The following KAT6B variants were observed in gnomAD, a reference collection of about 807,000 sequenced individuals.
KAT6B encodes the protein lysine acetyltransferase 6B, also known as histone acetyltransferase KAT6B.
A neutral mutation model predicts 187.5 loss-of-function variants in KAT6B; 10 were observed. The observed-to-expected ratio is 0.05, with a 90% CI of 0.03 to 0.09. The LOEUF (loss-of-function observed/expected upper bound fraction) is 0.09. Ranked by LOEUF, KAT6B falls within the 10% of genes least tolerant of loss-of-function variation. The pLI is 1.00. For missense variants in KAT6B, 1,952 were observed against 2,558.9 expected (o/e 0.76, Z 5.12); for synonymous variants, 861 against 926.8 (o/e 0.93, Z 1.29).
rs574388611 is a variant in KAT6B, at chr10:74,970,421, A to G, written c.928+320A>G. ...AGATTATTAAGGTCAAAAGTTTAGA[A>G]CACTTTCCATATTATTCAGCACAGT... On this transcript the variant is annotated intron_variant, in intron 6 of 17. Coordinates refer to ENST00000287239, the MANE Select transcript of KAT6B (RefSeq NM_012330.4). Among the ~76,000 whole-genome samples, 4 of 152,222 alleles carry G rather than the reference A, an allele frequency of 2.6e-5. 1 individual carries two copies. Among genetic ancestry groups the G allele is most frequent in the African/African-American group, 9.6e-5 (4 of 41,548 alleles).
chr10:74,970,002 T>C lies in KAT6B; in HGVS notation c.847-18T>C, dbSNP rs760335256. 9 of 1,567,306 alleles carry C rather than the reference T, an allele frequency of 5.7e-6. No individual in the cohort carries two copies. The highest frequency in any genetic ancestry group is 1.1e-5 in the South Asian group (1 of 89,970). On this transcript the variant is annotated intron_variant, in intron 5 of 17. Transcript: ENST00000287239. ...GTTGGTTTCAGTCTCAATTAGTCTC[T>C]AATATGTTATATTACAGGATAATAT... is the stretch of plus-strand genomic sequence containing the variant.
At chr10:74,941,110 G>A (rs1267642835) in intron 3 of KAT6B, among the ~76,000 whole-genome samples, 3 of 152,174 alleles carry the variant, frequency 2.0e-5, no homozygotes, top group African/African-American at 7.2e-5. Flanking sequence ...AGCACTGTCT[G>A]GAGAGCAATT....
At chr10:74,883,029 G>A (rs1844970274) in intron 3 of KAT6B, among the ~76,000 whole-genome samples, 2 of 152,168 alleles carry the variant, frequency 1.3e-5, no homozygotes, top group Admixed American at 1.3e-4. Context: ...GTATGCTCTT[G>A]AGAGAGTGAC....
chr10:74,887,707 G>A (rs1845378897), intron 3 of KAT6B, among the ~76,000 whole-genome samples: 1 of 152,202 alleles, frequency 6.6e-6, no homozygotes, highest in Middle Eastern at 3.4e-3. Context: ...TGGCTTTGAT[G>A]TTAAGAAAGG....
chr10:74,845,183 C>T (rs1842006754), intron 3 of KAT6B, among the ~76,000 whole-genome samples: 1 of 151,164 alleles, frequency 6.6e-6, no homozygotes, highest in Non-Finnish European at 1.5e-5. Flanking sequence ...TGTACTCCAG[C>T]CTGGGTGATA....
chr10:75,026,429 T>C (rs150744080), intron 17 of KAT6B, among the ~76,000 whole-genome samples: 1 of 152,246 alleles, frequency 6.6e-6, no homozygotes, highest in East Asian at 1.9e-4. Flanking sequence ...AGAACTTACT[T>C]TAATCTGGGG....
At chr10:74,935,564 A>T (rs1589658373) in intron 3 of KAT6B, among the ~76,000 whole-genome samples, 2 of 152,150 alleles carry the variant, frequency 1.3e-5, no homozygotes, top group Admixed American at 1.3e-4. Flanking sequence ...CAGCCTCCCA[A>T]ACTGCTGGGA....
chr10:74,838,527 T>A (rs1370528637), intron 1 of KAT6B, among the ~76,000 whole-genome samples, 156 bp from the exon 2 acceptor site: 1 of 152,222 alleles, frequency 6.6e-6, no homozygotes, highest in Non-Finnish European at 1.5e-5. Context: ...TTTATAAGAA[T>A]CCTTCAGTGG....
intron 3 of KAT6B, among the ~76,000 whole-genome samples, chr10:74,912,224 A>G (rs980572844): frequency 6.6e-6 from 1 of 152,096 alleles, no homozygotes; most frequent in African/African-American, 2.4e-5. Context: ...ACATTTCTTC[A>G]ACTCCTATCA....
intron 3 of KAT6B, among the ~76,000 whole-genome samples, chr10:74,867,799 T>G (rs1171176437): frequency 6.6e-6 from 1 of 152,216 alleles, no homozygotes; most frequent in African/African-American, 2.4e-5. Flanking sequence ...GTTTGGGTTT[T>G]GAAGTACACA....
At chr10:75,019,658 T>A (rs2134142626) in intron 13 of KAT6B, among the ~76,000 whole-genome samples, 1 of 152,312 alleles carries the variant, frequency 6.6e-6, no homozygotes, top group Admixed American at 6.5e-5. Context: ...AAGGTAGACA[T>A]CATTAGCTTA....
At chr10:74,914,673 T>G (rs752463920) in intron 3 of KAT6B, among the ~76,000 whole-genome samples, 6 of 152,216 alleles carry the variant, frequency 3.9e-5, no homozygotes, top group Non-Finnish European at 5.9e-5. Flanking sequence ...GGCTGCATAG[T>G]TAGGATATGA....
chr10:74,964,701 A>G (rs1339119190), intron 4 of KAT6B, among the ~76,000 whole-genome samples: 2 of 152,192 alleles, frequency 1.3e-5, no homozygotes, highest in Non-Finnish European at 2.9e-5. Flanking sequence ...CAACAGCCAC[A>G]ACAATAACAA....
rs532328914 is a variant in KAT6B at position 74,905,653 on chromosome 10, A to T, written c.622-54317A>T. Among the ~76,000 whole-genome samples the T allele has an allele frequency of 3.6e-4, 55 of 152,322 alleles. 3 individuals are homozygous for T. Among genetic ancestry groups the T allele is most frequent in the African/African-American group, 1.3e-3 (53 of 41,570 alleles). On this transcript the variant is annotated intron_variant, in intron 3 of 17. Transcript: ENST00000287239. ...GGTTAAAAGAGAGTCTCTGTAAAGC[A>T]TTTAATACGTTGTTGGGCACTAGCG...
chr10:74,994,410 T>C (rs541581090), intron 13 of KAT6B, among the ~76,000 whole-genome samples: 1 of 152,304 alleles, frequency 6.6e-6, no homozygotes, highest in South Asian at 2.1e-4. Flanking sequence ...AGGTTTAGCT[T>C]ATCCTTTTCT....
rs1842933115 is a variant in KAT6B at position 74,858,161 on chromosome 10, A to G, written c.621+14683A>G. The stretch of plus-strand genomic sequence containing the variant: ...CATCCTGAGTCATTTCCAGGAGAGC[A>G]GGAACGGGGGCGTGCACTCTTGCCT... On this transcript the variant is annotated intron_variant, in intron 3 of 17. Transcript: ENST00000287239. Among the ~76,000 whole-genome samples, 4 of 25,640 alleles carry G rather than the reference A, an allele frequency of 1.6e-4. No homozygotes were observed. The South Asian group carries it at 7.1e-3, about 46-fold the overall frequency. The allele number at this position is 25,640 out of a possible 152,430, so 16.8% of individuals were successfully genotyped here. A position where few individuals can be genotyped will look rare whatever the true frequency, so the allele number is the denominator to read the frequency against.
At chr10:74,922,649 G>T (rs1848218326) in intron 3 of KAT6B, among the ~76,000 whole-genome samples, 1 of 152,156 alleles carries the variant, frequency 6.6e-6, no homozygotes, top group Admixed American at 6.5e-5. Context: ...GTCCATAGAT[G>T]ATCTGATTCT....
At chr10:74,865,737 A>C (rs1288371785) in intron 3 of KAT6B, among the ~76,000 whole-genome samples, 1 of 152,076 alleles carries the variant, frequency 6.6e-6, no homozygotes, top group Non-Finnish European at 1.5e-5. Context: ...GCTGGTCTTG[A>C]ACTGCTGACC....
chr10:74,981,306 T>TCTTTCTTCCTTCCTTCCTTCCTTC (rs1554836803), intron 10 of KAT6B, among the ~76,000 whole-genome samples: 3 of 139,944 alleles, frequency 2.1e-5, no homozygotes, highest in Admixed American at 7.0e-5. Context: ...TTTCTTTCTT[T>TCTTTCTTCCTTCCTTCCTTCCTTC]CTTCCTTCCT....
Sources: allele counts gnomAD v4.1 joint callset (sites outside exome capture counted in the v4.1 genomes callset), GRCh38; gene constraint gnomAD v4.1.1; transcripts MANE v1.5; gene names NCBI Gene and HGNC (gene_info 2026-07-23, HGNC 2026-07-21).